ERMARD: variants seen among roughly 807,000 people sequenced by gnomAD.
ERMARD encodes the protein endoplasmic reticulum membrane-associated RNA degradation protein.
Under a neutral mutation model 83.9 loss-of-function variants are expected in ERMARD, and 71 were observed. The observed-to-expected ratio is 0.85, with a 90% CI of 0.70 to 1.03. The LOEUF (loss-of-function observed/expected upper bound fraction) is 1.03. Among genes scored for constraint, ERMARD ranks in the 50% least tolerant of loss-of-function variants. ERMARD has a pLI of 0.00. For synonymous variants in ERMARD, 284 were observed against 298.6 expected, an observed-to-expected ratio of 0.95 and a Z score of 0.50; for missense variants, 838 against 810.9, an observed-to-expected ratio of 1.03 and a Z score of -0.41.
rs200013618 is a variant in ERMARD at position 169,781,315 on chromosome 6, AT to A, written c.1854-5del. ...TATAATGGAATGGATAAAGAAATTAATTTTTTTTTTACAGGTTTGTAAAGTC... is the reference window on the plus strand; with the variant it reads ...TATAATGGAATGGATAAAGAAATTAATTTTTTTTTACAGGTTTGTAAAGTC... On this transcript the variant is annotated splice_polypyrimidine_tract_variant and intron_variant, in intron 17 of 17. Coordinates refer to ENST00000366773, the MANE Select transcript of ERMARD (RefSeq NM_018341.3). The A allele has an allele frequency of 2.3e-3, 3,439 of 1,475,582 alleles. 44 individuals are homozygous for A. In the African/African-American group the frequency reaches 0.036, roughly 15 times the overall value. The allele number at this position is 1,475,582 out of a possible 1,614,324, so 91.4% of individuals were successfully genotyped here. A position where few individuals can be genotyped will look rare whatever the true frequency, so the allele number is the denominator to read the frequency against.
chr6:169,761,287 G>A (rs1313099573), intron 8 of ERMARD, among the ~76,000 whole-genome samples: 4 of 152,168 alleles, frequency 2.6e-5, no homozygotes, highest in Non-Finnish European at 5.9e-5. Flanking sequence ...AGCCACCTCG[G>A]CTCACTGCAG....
intron 12 of ERMARD, 116 bp from the exon 13 acceptor site, chr6:169,773,203 A>C: frequency 1.2e-6 from 1 of 803,432 alleles, no homozygotes; most frequent in Non-Finnish European, 2.0e-6. Context: ...CTAGCTGCAT[A>C]GAATTATTTG....
chr6:169,751,459 C>G (rs374869481), upstream of ERMARD: 37 of 1,613,714 alleles, frequency 2.3e-5, no homozygotes, highest in African/African-American at 4.7e-4. Flanking sequence ...GCTTCTCCAT[C>G]TCGCTCTGTT....
chr6:169,762,397 G>A, intron 8 of ERMARD, 32 bp from the exon 9 acceptor site: 1 of 1,577,350 alleles, frequency 6.3e-7, no homozygotes, highest in Non-Finnish European at 8.7e-7. Context: ...TTGAAATGTG[G>A]AGTTTTACCT....
At chr6:169,768,200 ATTC>A (rs761317115) in intron 11 of ERMARD, 29 bp downstream of exon 11, 2 of 1,592,090 alleles carry the variant, frequency 1.3e-6, no homozygotes, top group Non-Finnish European at 8.6e-7. Context: ...CCAGGCTAAT[ATTC>A]TTGTATTTAT....
chr6:169,763,371 C>T (rs1392236668), intron 9 of ERMARD, among the ~76,000 whole-genome samples: 1 of 152,214 alleles, frequency 6.6e-6, no homozygotes, highest in African/African-American at 2.4e-5. Flanking sequence ...TACTTCCTGG[C>T]TCCAGCCGGC....
intron 3 of ERMARD, 94 bp downstream of exon 3, chr6:169,755,516 C>T: frequency 2.0e-6 from 3 of 1,483,200 alleles, no homozygotes; most frequent in Middle Eastern, 2.2e-4. Context: ...CCTCCTTCAT[C>T]CCCAGGCCCT....
chr6:169,764,257 G>GTT (rs764306520), intron 9 of ERMARD, among the ~76,000 whole-genome samples: 2 of 139,920 alleles, frequency 1.4e-5, no homozygotes, highest in Non-Finnish European at 3.1e-5. Context: ...TTTTTAGTTA[G>GTT]TTTTTTTTTT....
chr6:169,781,215 A>G, intron 17 of ERMARD, 115 bp from the exon 18 acceptor site: 1 of 903,392 alleles, frequency 1.1e-6, no homozygotes, highest in South Asian at 1.9e-5. Context: ...GAATCCTCAG[A>G]CATAAATTAA....
chr6:169,751,422 T>C, upstream of ERMARD: 2 of 1,614,124 alleles, frequency 1.2e-6, no homozygotes, highest in Non-Finnish European at 1.7e-6. Context: ...GGGGTCTGGA[T>C]GGGGCTCGAC....
chr6:169,766,043 C>T (rs1230233797), intron 9 of ERMARD, among the ~76,000 whole-genome samples: 2 of 151,394 alleles, frequency 1.3e-5, no homozygotes, highest in Admixed American at 6.6e-5. Context: ...TGCTGTCTGT[C>T]AAATCTCACT....
chr6:169,763,359 A>G (rs1791791650), intron 9 of ERMARD, among the ~76,000 whole-genome samples: 1 of 152,080 alleles, frequency 6.6e-6, no homozygotes. Flanking sequence ...TATGGAGACT[A>G]CTACTTCCTG....
rs61034475 is a variant in ERMARD, at chr6:169,765,889, G to C, written c.961-749G>C. Among the ~76,000 whole-genome samples the C allele has an allele frequency of 6.3e-4, 56 of 89,164 alleles. 1 individual carries two copies. The East Asian group carries it at 0.011, about 18-fold the overall frequency. The allele number at this position is 89,164 out of a possible 152,430, so 58.5% of individuals were successfully genotyped here. ...AAATCTCACTGAAGTGATTTCATCAGGCTGTCTGTCAAATCTCACTGAAGT... is the reference window on the plus strand; with the variant it reads ...AAATCTCACTGAAGTGATTTCATCACGCTGTCTGTCAAATCTCACTGAAGT... On this transcript the variant is annotated intron_variant, in intron 9 of 17. Coordinates refer to ENST00000366773, the MANE Select transcript of ERMARD (RefSeq NM_018341.3).
intron 9 of ERMARD, among the ~76,000 whole-genome samples, chr6:169,765,271 A>G (rs1417569835): frequency 6.6e-6 from 1 of 152,256 alleles, no homozygotes; most frequent in African/African-American, 2.4e-5. Context: ...AGAATATATT[A>G]TTAGCACAGG....
chr6:169,753,840 CT>C, intron 1 of ERMARD, 23 bp from the exon 2 acceptor site: 2 of 1,485,802 alleles, frequency 1.3e-6, no homozygotes, highest in Non-Finnish European at 9.0e-7. Flanking sequence ...TAAGCAGTGC[CT>C]TTTATTTTAT....
chr6:169,777,997 G>A (rs1052061108), intron 16 of ERMARD, among the ~76,000 whole-genome samples: 1 of 152,234 alleles, frequency 6.6e-6, no homozygotes, highest in African/African-American at 2.4e-5. Context: ...CTGGGTACAA[G>A]GCAGGACCCA....
At chr6:169,762,320 C>T in intron 8 of ERMARD, 109 bp from the exon 9 acceptor site, 1 of 981,906 alleles carries the variant, frequency 1.0e-6, no homozygotes, top group Non-Finnish European at 1.5e-6. Context: ...AGCGATCCTC[C>T]CACCTTGGCT....
rs1055988493 is a variant in ERMARD at position 169,781,542 on chromosome 6, T to G, written c.*29T>G. ...CTTGTAAGTCAGGATGCTTTTAATT[T>G]TAACAGATTTTAACAGCGTGTAAAT... On this transcript the variant is annotated 3_prime_UTR_variant, in exon 18 of 18. Coordinates refer to ENST00000366773, the MANE Select transcript of ERMARD (RefSeq NM_018341.3). The G allele has an allele frequency of 1.3e-6, 2 of 1,543,432 alleles. No individual in the cohort carries two copies. The highest frequency in any genetic ancestry group is 4.2e-5 in the Admixed American group (2 of 47,818).
chr6:169,756,361 C>G lies in ERMARD; in HGVS notation c.339C>G (p.Ala113=). ...FPELFPEIFD[A]LESLQSPAIS... ...AGTTATTTCCTGAAATATTTGATGCCTTGGAAAGTCTACAATCTCCTGCTA... is the reference window on the plus strand; with the variant it reads ...AGTTATTTCCTGAAATATTTGATGCGTTGGAAAGTCTACAATCTCCTGCTA... The change falls in exon 4 of 18, where the codon GCC becomes GCG. Residue 113 remains alanine (A), a synonymous_variant. Transcript: ENST00000366773. The G allele has an allele frequency of 6.2e-7, 1 of 1,609,014 alleles. No homozygotes were observed. Among genetic ancestry groups the G allele is most frequent in the Non-Finnish European group, 8.5e-7 (1 of 1,177,582 alleles).
Sources: gnomAD v4.1 joint callset for allele counts (sites outside exome capture counted in the v4.1 genomes callset) on GRCh38, gnomAD v4.1.1 for gene constraint, MANE v1.5 for transcripts, NCBI Gene and HGNC (gene_info 2026-07-23, HGNC 2026-07-21) for gene names.